The following ACER2 variants were observed in gnomAD, a reference collection of about 807,000 sequenced individuals.
ACER2 encodes alkCDase 2.
A neutral mutation model predicts 34.7 loss-of-function variants in ACER2; 26 were observed. The observed-to-expected ratio is 0.75, with a 90% CI of 0.55 to 1.04. The LOEUF is 1.04. Ranked by LOEUF, ACER2 falls within the 50% of genes least tolerant of loss-of-function variation. The pLI is 0.00. For synonymous variants in ACER2, 138 were observed against 132.1 expected (o/e 1.04, Z -0.31); for missense variants, 352 against 340.8 (o/e 1.03, Z -0.26).
At chr9:19,425,652 A>G (rs1163285581) in intron 3 of ACER2, among the ~76,000 whole-genome samples, 2 of 152,196 alleles carry the variant, frequency 1.3e-5, no homozygotes, top group African/African-American at 4.8e-5. Flanking sequence ...TATAGTGGTG[A>G]CTTAGGGTGC....
intron 1 of ACER2, among the ~76,000 whole-genome samples, chr9:19,421,499 A>G (rs901485943): frequency 2.0e-5 from 3 of 152,262 alleles, no homozygotes; most frequent in Admixed American, 6.5e-5. Flanking sequence ...ACAAAAGGAC[A>G]TATATTGTAT....
At chr9:19,441,030 ATTTTTC>A (rs994377983) in intron 4 of ACER2, among the ~76,000 whole-genome samples, 11 of 146,844 alleles carry the variant, frequency 7.5e-5, no homozygotes, top group African/African-American at 1.3e-4. Flanking sequence ...ATTTCAGCAC[ATTTTTC>A]TTTTTCTTTT....
intron 1 of ACER2, chr9:19,409,753 GT>G (rs199667106): frequency 1.7e-5 from 16 of 964,516 alleles, no homozygotes; most frequent in East Asian, 2.3e-4. Flanking sequence ...ATTACTACTT[GT>G]TTTTTTTTCT....
chr9:19,437,131 C>T, intron 4 of ACER2, among the ~76,000 whole-genome samples: 1 of 152,218 alleles, frequency 6.6e-6, no homozygotes, highest in African/African-American at 2.4e-5. Flanking sequence ...GCATGGTTTT[C>T]TGCAGTCCAT....
chr9:19,412,671 A>AC (rs1830119404), intron 1 of ACER2, among the ~76,000 whole-genome samples: 1 of 151,714 alleles, frequency 6.6e-6, no homozygotes, highest in African/African-American at 2.4e-5. Flanking sequence ...AAAAAAAAAA[A>AC]AAAACCAGCA....
At chr9:19,415,409 C>A (rs988866296) in intron 1 of ACER2, among the ~76,000 whole-genome samples, 2 of 151,936 alleles carry the variant, frequency 1.3e-5, no homozygotes, top group African/African-American at 4.8e-5. Flanking sequence ...TCAGGAGAAT[C>A]GCTTGAACCT....
chr9:19,422,988 C>T (rs369069727), intron 1 of ACER2, among the ~76,000 whole-genome samples: 18 of 146,772 alleles, frequency 1.2e-4, no homozygotes, highest in Admixed American at 4.1e-4. Context: ...GCTGAGACTG[C>T]ACCAAAGAAC....
At chr9:19,438,655 A>G (rs1831048835) in intron 4 of ACER2, among the ~76,000 whole-genome samples, 1 of 152,182 alleles carries the variant, frequency 6.6e-6, no homozygotes, top group African/African-American at 2.4e-5. Context: ...AGTGAATAGA[A>G]TGTTCTGGAT....
At chr9:19,446,147 T>G in intron 4 of ACER2, 134 bp from the exon 5 acceptor site, 1 of 1,222,926 alleles carries the variant, frequency 8.2e-7, no homozygotes, top group South Asian at 1.2e-5. Context: ...GGAGTGACTG[T>G]GTGTTGGGTA....
At chr9:19,409,452 GC>G (rs1329682839) in intron 1 of ACER2, among the ~76,000 whole-genome samples, 1 of 152,048 alleles carries the variant, frequency 6.6e-6, no homozygotes, top group Non-Finnish European at 1.5e-5. Flanking sequence ...GTCTTGTTTG[GC>G]CCCCACGCGT....
intron 4 of ACER2, 147 bp downstream of exon 4, chr9:19,435,231 G>T (rs896841313): frequency 1.8e-6 from 2 of 1,098,250 alleles, no homozygotes; most frequent in African/African-American, 3.2e-5. Context: ...GCAATTTGAT[G>T]GTTTGGTTCA....
intron 3 of ACER2, among the ~76,000 whole-genome samples, chr9:19,433,674 C>A (rs1563883741): frequency 1.3e-5 from 2 of 152,276 alleles, no homozygotes; most frequent in Non-Finnish European, 2.9e-5. Context: ...GTTGGGCACA[C>A]CTCCCAGATG....
intron 1 of ACER2, among the ~76,000 whole-genome samples, chr9:19,422,122 C>CA (rs57946946): frequency 0.17 from 22,477 of 131,424 alleles, 1,782 homozygotes; most frequent in South Asian, 0.25. Flanking sequence ...CCATCTCTAC[C>CA]AAAAAAAAAA....
At chr9:19,416,237 A>G (rs55901126) in intron 1 of ACER2, among the ~76,000 whole-genome samples, 4,415 of 152,250 alleles carry the variant, frequency 0.029, 87 homozygotes, top group Non-Finnish European at 0.048. Flanking sequence ...TGCTAGTTTA[A>G]CAAGAGGAAA....
chr9:19,450,267 T>C (rs938991814), intron 5 of ACER2, 183 bp from the exon 6 acceptor site: 1 of 985,312 alleles, frequency 1.0e-6, no homozygotes, highest in Non-Finnish European at 1.2e-6. Flanking sequence ...TTGCTGAAGA[T>C]TTATCATCCT....
At chr9:19,428,600 A>G (rs1278382766) in intron 3 of ACER2, among the ~76,000 whole-genome samples, 1 of 152,050 alleles carries the variant, frequency 6.6e-6, no homozygotes, top group Non-Finnish European at 1.5e-5. Flanking sequence ...AACCTAAAAA[A>G]AAAAGGCTCT....
intron 1 of ACER2, among the ~76,000 whole-genome samples, chr9:19,417,176 G>A (rs899661295): frequency 3.3e-5 from 5 of 152,110 alleles, no homozygotes; most frequent in African/African-American, 4.8e-5. Context: ...AGGATATGAA[G>A]GACCTCTTCA....
At chr9:19,426,556 T>C (rs1176570562) in intron 3 of ACER2, among the ~76,000 whole-genome samples, 1 of 152,112 alleles carries the variant, frequency 6.6e-6, no homozygotes, top group African/African-American at 2.4e-5. Context: ...GAGTAAGAAA[T>C]TGAAGAAATG....
chr9:19,423,756 G>A, intron 1 of ACER2, 106 bp from the exon 2 acceptor site: 1 of 822,176 alleles, frequency 1.2e-6, no homozygotes, highest in Non-Finnish European at 2.1e-6. Flanking sequence ...CGAGATGTGT[G>A]ACCACATTTA....
Sources: gnomAD v4.1 joint callset for allele counts (sites outside exome capture counted in the v4.1 genomes callset) on GRCh38, gnomAD v4.1.1 for gene constraint, MANE v1.5 for transcripts, NCBI Gene and HGNC (gene_info 2026-07-23, HGNC 2026-07-21) for gene names.